The following ZNF532 variants were observed in gnomAD, a reference collection of about 807,000 sequenced individuals.
ZNF532 encodes zinc finger protein 532.
A neutral mutation model predicts 89.3 loss-of-function variants in ZNF532; 22 were observed. The observed-to-expected ratio is 0.25, with a 90% confidence interval of 0.18 to 0.35. The LOEUF is 0.35. ZNF532 is among the 10% of genes least tolerant of loss of function. The pLI is 1.00. For synonymous variants in ZNF532, 606 were observed against 649.6 expected, an observed-to-expected ratio of 0.93 and a Z score of 1.02; for missense variants, 1,132 against 1,643.4, an observed-to-expected ratio of 0.69 and a Z score of 5.38.
chr18:58,882,478 G>A (rs2058003107), intron 2 of ZNF532, among the ~76,000 whole-genome samples: 1 of 152,210 alleles, frequency 6.6e-6, no homozygotes, highest in Non-Finnish European at 1.5e-5. Context: ...GTCTTGCTCT[G>A]TTGCCTAGGC....
chr18:58,881,505 C>T (rs1259032130), intron 2 of ZNF532, among the ~76,000 whole-genome samples: 2 of 152,178 alleles, frequency 1.3e-5, no homozygotes, highest in African/African-American at 4.8e-5. Flanking sequence ...TGCTGTTTAT[C>T]ATATTGCATG....
chr18:58,879,457 G>T (rs1316344523), intron 2 of ZNF532, among the ~76,000 whole-genome samples: 1 of 152,172 alleles, frequency 6.6e-6, no homozygotes, highest in Non-Finnish European at 1.5e-5. Context: ...GAGTGCAGTG[G>T]CACAGTCTCG....
chr18:58,886,866 A>C (rs779897348), intron 2 of ZNF532, among the ~76,000 whole-genome samples: 1 of 152,114 alleles, frequency 6.6e-6, no homozygotes, highest in Admixed American at 6.5e-5. Context: ...GTTTTTTTCT[A>C]TATGGATTTT....
rs1168422972 is a variant in ZNF532, at chr18:58,919,749, A to G, written c.1462A>G (p.Ser488Gly). 3.7e-6 allele frequency: 6 copies of G among 1,614,044 alleles called. No individual in the cohort carries two copies. Among genetic ancestry groups the G allele is most frequent in the Non-Finnish European group, 5.1e-6 (6 of 1,180,026 alleles). ...ATVISAASVQ[S>G]ASSAIIKAAN... ...GGTCATATCTGCTGCCTCTGTCCAG[A>G]GTGCCAGCAGCGCCATCATTAAAGC... Residue 488 changes from serine (S) to glycine (G), a missense_variant, in exon 3 of 10, where the codon AGT (serine) becomes GGT (glycine). Ser to Gly is a moderately conservative substitution (Grantham distance 56, BLOSUM62 0). This residue lies in a region of ZNF532 where 97 missense variants were observed against 143.7 expected (regional missense o/e 0.68). Coordinates refer to ENST00000591808, the MANE Select transcript of ZNF532 (RefSeq NM_001375912.1). The surrounding 1 kb of genome is among the most constrained non-coding windows in gnomAD (Gnocchi z 6.1).
At chr18:58,901,766 G>C (rs2059616775) in intron 2 of ZNF532, among the ~76,000 whole-genome samples, 2 of 152,080 alleles carry the variant, frequency 1.3e-5, no homozygotes, top group Admixed American at 1.3e-4. Flanking sequence ...TATCATCCTG[G>C]CTGCTTCTGG....
At chr18:58,929,630 T>G (rs1192248800) in intron 3 of ZNF532, among the ~76,000 whole-genome samples, 1 of 152,246 alleles carries the variant, frequency 6.6e-6, no homozygotes, top group Non-Finnish European at 1.5e-5. Flanking sequence ...AATAAGCATG[T>G]AAGTAGATGA....
chr18:58,917,700 A>AG (rs930050447), intron 2 of ZNF532, among the ~76,000 whole-genome samples: 1 of 151,556 alleles, frequency 6.6e-6, no homozygotes, highest in African/African-American at 2.4e-5. Flanking sequence ...TCAGCTCCTT[A>AG]GGGTTTTTTT....
chr18:58,884,191 C>T (rs1278242556), intron 2 of ZNF532, among the ~76,000 whole-genome samples: 3 of 152,232 alleles, frequency 2.0e-5, no homozygotes, highest in African/African-American at 7.2e-5. Flanking sequence ...CCAGCCTGGC[C>T]AATATGGTGA....
At chr18:58,949,278 T>G (rs1270917182) in intron 6 of ZNF532, among the ~76,000 whole-genome samples, 2 of 152,338 alleles carry the variant, frequency 1.3e-5, no homozygotes, top group East Asian at 3.9e-4. Flanking sequence ...TTTTTTTCCT[T>G]GTGTGATTAG....
At chr18:58,923,184 T>C (rs546402831) in intron 3 of ZNF532, among the ~76,000 whole-genome samples, 46 of 152,128 alleles carry the variant, frequency 3.0e-4, no homozygotes, top group South Asian at 1.9e-3. Flanking sequence ...CTCACCTATG[T>C]AGGCCACTCA....
At chr18:58,904,792 G>T (rs1303139069) in intron 2 of ZNF532, among the ~76,000 whole-genome samples, 1 of 151,596 alleles carries the variant, frequency 6.6e-6, no homozygotes, top group Non-Finnish European at 1.5e-5. Flanking sequence ...ATGATTTTGT[G>T]TGCAGAAATC....
chr18:58,930,836 AG>A (rs1333938629), intron 3 of ZNF532, among the ~76,000 whole-genome samples: 2 of 152,118 alleles, frequency 1.3e-5, no homozygotes, highest in Non-Finnish European at 2.9e-5. Context: ...AAATATAAAT[AG>A]TTGTTATACT....
chr18:58,875,489 C>G (rs2057349195), intron 2 of ZNF532, among the ~76,000 whole-genome samples: 1 of 152,174 alleles, frequency 6.6e-6, no homozygotes, highest in Admixed American at 6.5e-5. Context: ...CATTGAGTCT[C>G]TCCTTCTGTT....
intron 2 of ZNF532, among the ~76,000 whole-genome samples, chr18:58,879,687 CT>C (rs1271088615): frequency 6.6e-6 from 1 of 152,238 alleles, no homozygotes; most frequent in East Asian, 1.9e-4. Flanking sequence ...CCATGCCCGG[CT>C]GTTGGCAGCT....
intron 2 of ZNF532, among the ~76,000 whole-genome samples, chr18:58,912,468 A>C (rs1161584532): frequency 6.6e-6 from 1 of 152,154 alleles, no homozygotes; most frequent in Non-Finnish European, 1.5e-5. Context: ...TTAGAAAATG[A>C]AGCTCTTGTG....
In ZNF532 at chr18:58,919,070, A is replaced by C. The variant is rs1297076845; in HGVS notation, c.783A>C (p.Thr261=). 6.2e-7 allele frequency: 1 copy of C among 1,614,136 alleles called. No individual in the cohort carries two copies. The highest frequency in any genetic ancestry group is 1.1e-5 in the South Asian group (1 of 91,070). ...TCCCCAGCGTTGCGCCATCAAAGACAAAGTCGTCCTCCAAGCTCTCGTCCT... is the reference window on the plus strand; with the variant it reads ...TCCCCAGCGTTGCGCCATCAAAGACCAAGTCGTCCTCCAAGCTCTCGTCCT... ...TSLPSVAPSK[T]KSSSKLSSCI... is the part of the protein sequence containing the mutation. Residue 261 remains threonine (T), a synonymous_variant, in exon 3 of 10, where the codon ACA becomes ACC. Coordinates refer to ENST00000591808, the MANE Select transcript of ZNF532 (RefSeq NM_001375912.1). This position sits in a 1 kb window ranked among gnomAD's most constrained non-coding sequence, Gnocchi z 6.1.
chr18:58,864,852 C>T (rs2056307928), upstream of ZNF532: 1 of 152,246 alleles, frequency 6.6e-6, no homozygotes, highest in Non-Finnish European at 1.5e-5. Context: ...AGCTCCTGAA[C>T]ACAATGCAGT....
intron 9 of ZNF532, 43 bp downstream of exon 9, chr18:58,981,660 A>ACTTG (rs745961451): frequency 6.2e-7 from 1 of 1,609,126 alleles, no homozygotes; most frequent in East Asian, 2.2e-5. Context: ...AATTGTGTTG[A>ACTTG]CTTGCTTTTC....
At chr18:58,947,473 C>G (rs915275398) in intron 5 of ZNF532, among the ~76,000 whole-genome samples, 32 of 152,192 alleles carry the variant, frequency 2.1e-4, no homozygotes, top group Non-Finnish European at 4.0e-4. Context: ...AAGAAACATT[C>G]AAGCATTGTT....
Sources: gnomAD v4.1 joint callset for allele counts (sites outside exome capture counted in the v4.1 genomes callset) on GRCh38, gnomAD v4.1.1 for gene constraint, gnomAD v4.1.1 regional missense constraint, Gnocchi (gnomAD v3.1) non-coding constraint, MANE v1.5 for transcripts, NCBI Gene and HGNC (gene_info 2026-07-23, HGNC 2026-07-21) for gene names.